The following FOXP2 variants were observed in gnomAD, a reference collection of about 807,000 sequenced individuals.
FOXP2 encodes the protein forkhead box protein P2.
A neutral mutation model predicts 115.8 loss-of-function variants in FOXP2; 12 were observed. That is an observed-to-expected ratio of 0.10 (90% confidence interval 0.07 to 0.17). The LOEUF (loss-of-function observed/expected upper bound fraction) is 0.17, where lower values mean the gene tolerates loss of function less well. Ranked by LOEUF, FOXP2 falls within the 10% of genes least tolerant of loss-of-function variation. The probability of loss-of-function intolerance (pLI) is 1.00; values close to 1 mark genes in which losing one functional copy is unlikely to be tolerated. For missense variants in FOXP2, 629 were observed against 843.5 expected (o/e 0.75, Z 3.15); for synonymous variants, 328 against 297.7 (o/e 1.10, Z -1.05).
At chr7:114,512,030 G>T (rs182671562) in intron 2 of FOXP2, among the ~76,000 whole-genome samples, 2 of 152,008 alleles carry the variant, frequency 1.3e-5, no homozygotes, top group African/African-American at 4.8e-5. Flanking sequence ...TTATCAGCTG[G>T]AAATGATTAT....
intron 1 of FOXP2, among the ~76,000 whole-genome samples, chr7:114,265,012 A>G (rs1035773443): frequency 1.3e-5 from 2 of 152,136 alleles, no homozygotes; most frequent in Non-Finnish European, 2.9e-5. Context: ...ATAATTGAAC[A>G]TGAGATTTGG....
chr7:114,120,978 C>A (rs1791547118), intron 1 of FOXP2, among the ~76,000 whole-genome samples: 1 of 151,952 alleles, frequency 6.6e-6, no homozygotes, highest in Non-Finnish European at 1.5e-5. Flanking sequence ...CAGCAGATTT[C>A]TCAACATTGC....
chr7:114,609,426 G>C (rs1803512576), intron 3 of FOXP2, among the ~76,000 whole-genome samples: 1 of 152,048 alleles, frequency 6.6e-6, no homozygotes. Context: ...AAAGAAATGA[G>C]AAAATAGTAA....
chr7:114,640,044 T>C (rs1259804519), intron 6 of FOXP2, among the ~76,000 whole-genome samples: 1 of 152,056 alleles, frequency 6.6e-6, no homozygotes, highest in African/African-American at 2.4e-5. Context: ...ATAGCTGTGA[T>C]CCAGGCAAGA....
chr7:114,325,963 C>A (rs941952618), intron 2 of FOXP2, among the ~76,000 whole-genome samples: 5 of 152,048 alleles, frequency 3.3e-5, no homozygotes, highest in African/African-American at 7.2e-5. Context: ...GCAGTAACCC[C>A]ATAATAGATA....
intron 3 of FOXP2, among the ~76,000 whole-genome samples, chr7:114,575,406 T>C (rs765038385): frequency 1.3e-5 from 2 of 151,878 alleles, no homozygotes; most frequent in Admixed American, 6.6e-5. Flanking sequence ...TTTTTGGTAT[T>C]AACACTAAAA....
rs138925770 is a variant in FOXP2, at chr7:114,353,334, CTTTTTTTTTTTTTT to C, written c.-11+65237_-11+65250del. Among the ~76,000 whole-genome samples the C allele has an allele frequency of 6.2e-3, 397 of 64,158 alleles. 5 individuals are homozygous for C. The highest frequency in any genetic ancestry group is 0.022 in the African/African-American group (381 of 16,960). 42.1% of individuals were successfully genotyped at this position (64,158 alleles called of 152,430 possible). A position where few individuals can be genotyped will look rare whatever the true frequency, so the allele number is the denominator to read the frequency against. On this transcript the variant is annotated intron_variant, in intron 2 of 17. Coordinates refer to the FOXP2 transcript ENST00000634411. ...CATTTGTTAATCTGTATAGGAGCCT[CTTTTTTTTTTTTTT>C]TTTTTTTTTTTCACAGCTCTATCTA...
chr7:114,121,570 A>G (rs766557792), intron 1 of FOXP2, among the ~76,000 whole-genome samples: 14 of 152,138 alleles, frequency 9.2e-5, no homozygotes, highest in Non-Finnish European at 1.9e-4. Flanking sequence ...TGGTGATTAG[A>G]TTAGCATGGG....
At chr7:114,131,701 T>G (rs1389612220) in intron 1 of FOXP2, among the ~76,000 whole-genome samples, 2 of 152,142 alleles carry the variant, frequency 1.3e-5, no homozygotes, top group East Asian at 1.9e-4. Flanking sequence ...CATAAAAAAT[T>G]TGTCTGTTTT....
intron 3 of FOXP2, among the ~76,000 whole-genome samples, chr7:114,559,768 A>G (rs536763835): frequency 2.6e-4 from 40 of 152,050 alleles, no homozygotes; most frequent in Non-Finnish European, 2.1e-4. Context: ...CGGCGCCTGT[A>G]GTCCCAGCTA....
chr7:114,234,291 C>T (rs1401134974), intron 1 of FOXP2, among the ~76,000 whole-genome samples: 1 of 152,136 alleles, frequency 6.6e-6, no homozygotes, highest in African/African-American at 2.4e-5. Flanking sequence ...CATCTACCAG[C>T]AGGGTTAAGA....
At chr7:114,376,604 T>C (rs1291545226) in intron 2 of FOXP2, among the ~76,000 whole-genome samples, 1 of 152,104 alleles carries the variant, frequency 6.6e-6, no homozygotes, top group African/African-American at 2.4e-5. Context: ...CTGAGAGAGG[T>C]AGACTTCTAA....
chr7:114,353,212 T>C (rs1446747495), intron 2 of FOXP2, among the ~76,000 whole-genome samples: 2 of 152,124 alleles, frequency 1.3e-5, no homozygotes, highest in African/African-American at 4.8e-5. Context: ...AAGATTGCTA[T>C]CTGAAGTTTT....
intron 1 of FOXP2, among the ~76,000 whole-genome samples, chr7:114,138,109 A>G (rs193000073): frequency 6.6e-6 from 1 of 152,320 alleles, no homozygotes; most frequent in Admixed American, 6.5e-5. Context: ...TAAATAAGAT[A>G]GAATAGACAA....
At chr7:114,684,910 G>T (rs1452726143) in intron 16 of FOXP2, among the ~76,000 whole-genome samples, 1 of 151,550 alleles carries the variant, frequency 6.6e-6, no homozygotes, top group Non-Finnish European at 1.5e-5. Flanking sequence ...TATACTAGTT[G>T]GTTCATCTAT....
chr7:114,577,734 T>A (rs1270041001), intron 3 of FOXP2, among the ~76,000 whole-genome samples: 2 of 151,928 alleles, frequency 1.3e-5, no homozygotes, highest in Admixed American at 1.3e-4. Flanking sequence ...AACGTTATAC[T>A]TCAGACTACA....
chr7:114,109,351 G>A (rs1483202048), intron 1 of FOXP2, among the ~76,000 whole-genome samples: 1 of 151,960 alleles, frequency 6.6e-6, no homozygotes, highest in Non-Finnish European at 1.5e-5. Flanking sequence ...TTAATGTCAT[G>A]CATTCTGTCT....
intron 1 of FOXP2, among the ~76,000 whole-genome samples, chr7:114,423,727 C>T (rs973856514): frequency 3.3e-5 from 5 of 151,548 alleles, no homozygotes; most frequent in African/African-American, 1.2e-4. Context: ...AGGTAAACAG[C>T]ACTTCACATT....
At chr7:114,273,934 C>A (rs1194046849) in intron 1 of FOXP2, among the ~76,000 whole-genome samples, 13 of 151,968 alleles carry the variant, frequency 8.6e-5, no homozygotes, top group Non-Finnish European at 1.9e-4. Flanking sequence ...CATTGATATT[C>A]TGTTGGAGTA....
Sources: allele counts gnomAD v4.1 joint callset (sites outside exome capture counted in the v4.1 genomes callset), GRCh38; gene constraint gnomAD v4.1.1; transcripts MANE v1.5; gene names NCBI Gene and HGNC (gene_info 2026-07-23, HGNC 2026-07-21).